Variants in PCED1B observed in about 807,000 individuals in gnomAD.
The protein encoded by PCED1B is PC-esterase domain-containing protein 1B.
For synonymous variants in PCED1B, 251 were observed against 246.1 expected (o/e 1.02, Z -0.19); for missense variants, 573 against 573.9 (o/e 1.00, Z 0.02).
intron 3 of PCED1B, among the ~76,000 whole-genome samples, chr12:47,232,283 A>T (rs1306565362): frequency 6.6e-6 from 1 of 152,164 alleles, no homozygotes. Flanking sequence ...AAGCCACTGC[A>T]CCCAGCCAAA....
chr12:47,094,606 A>G (rs1456850017), intron 1 of PCED1B, among the ~76,000 whole-genome samples: 1 of 151,952 alleles, frequency 6.6e-6, no homozygotes, highest in East Asian at 1.9e-4. Flanking sequence ...TATCCTAGAG[A>G]TTGCAATATA....
At chr12:47,189,522 T>C (rs1274099405) in intron 2 of PCED1B, among the ~76,000 whole-genome samples, 1 of 152,186 alleles carries the variant, frequency 6.6e-6, no homozygotes, top group Non-Finnish European at 1.5e-5. Context: ...ACCTTGGACA[T>C]ACATTTATTT....
At chr12:47,176,877 T>C (rs1592241852) in intron 2 of PCED1B, among the ~76,000 whole-genome samples, 1 of 149,994 alleles carries the variant, frequency 6.7e-6, no homozygotes, top group South Asian at 2.1e-4. Flanking sequence ...AACCCACTAA[T>C]GTATTGTTCA....
At chr12:47,188,210 T>C (rs1033479783) in intron 2 of PCED1B, among the ~76,000 whole-genome samples, 2 of 152,184 alleles carry the variant, frequency 1.3e-5, no homozygotes, top group African/African-American at 4.8e-5. Context: ...TCCCAGCATC[T>C]AACACCATTG....
intron 3 of PCED1B, among the ~76,000 whole-genome samples, chr12:47,220,082 A>AGAAGAAG (rs1555155802): frequency 1.6e-4 from 17 of 104,530 alleles, no homozygotes; most frequent in Admixed American, 6.7e-4. Context: ...AAAAAAAAAA[A>AGAAGAAG]AAAAAAAAGA....
intron 2 of PCED1B, among the ~76,000 whole-genome samples, chr12:47,156,359 C>A (rs140037510): frequency 6.6e-6 from 1 of 152,028 alleles, no homozygotes; most frequent in Admixed American, 6.6e-5. Context: ...CCTGCTCAAC[C>A]CTTTTTCTTA....
chr12:47,224,366 C>T (rs764322449), intron 3 of PCED1B, among the ~76,000 whole-genome samples: 8 of 152,102 alleles, frequency 5.3e-5, no homozygotes, highest in East Asian at 1.9e-4. Flanking sequence ...AATTCATAGG[C>T]GTTGTTTATA....
chr12:47,195,045 AAGT>A (rs1942558505), intron 2 of PCED1B, among the ~76,000 whole-genome samples: 1 of 152,242 alleles, frequency 6.6e-6, no homozygotes, highest in African/African-American at 2.4e-5. Context: ...ATATTTCTAA[AAGT>A]AGGCCGGGCG....
chr12:47,133,954 T>G (rs1011237902), intron 2 of PCED1B, among the ~76,000 whole-genome samples: 1 of 152,172 alleles, frequency 6.6e-6, no homozygotes, highest in African/African-American at 2.4e-5. Flanking sequence ...AGATGGCAGG[T>G]TGCAACCTAG....
intron 2 of PCED1B, among the ~76,000 whole-genome samples, chr12:47,146,056 C>T (rs1452943489): frequency 6.6e-6 from 1 of 152,110 alleles, no homozygotes; most frequent in East Asian, 1.9e-4. Context: ...AGGAGGAAGT[C>T]AAAATATCAA....
chr12:47,199,656 A>C (rs1286575818), intron 2 of PCED1B, among the ~76,000 whole-genome samples: 1 of 152,238 alleles, frequency 6.6e-6, no homozygotes, highest in African/African-American at 2.4e-5. Flanking sequence ...GAACAACAGG[A>C]CATCCACATG....
intron 1 of PCED1B, among the ~76,000 whole-genome samples, chr12:47,081,933 C>A (rs1445576281): frequency 2.0e-5 from 3 of 152,136 alleles, no homozygotes; most frequent in Non-Finnish European, 2.9e-5. Context: ...GATTACACAG[C>A]AAAAGTAAAC....
intron 2 of PCED1B, chr12:47,208,735 G>A (rs1193769844): frequency 6.6e-6 from 1 of 151,942 alleles, no homozygotes; most frequent in Non-Finnish European, 1.5e-5. Flanking sequence ...CAAACTCCTG[G>A]GCTCAAGCGA....
At chr12:47,161,276 G>T (rs769656180) in intron 2 of PCED1B, among the ~76,000 whole-genome samples, 1 of 152,104 alleles carries the variant, frequency 6.6e-6, no homozygotes, top group African/African-American at 2.4e-5. Context: ...AGAAAACTGG[G>T]TATTCTTTTG....
At chr12:47,158,035 TTATTTGTTGATGAATA>T (rs1941251226) in intron 2 of PCED1B, among the ~76,000 whole-genome samples, 1 of 149,092 alleles carries the variant, frequency 6.7e-6, no homozygotes, top group African/African-American at 2.6e-5. Context: ...ACTTATCTAT[TTATTTGTTGATGAATA>T]TATTTGTTGA....
At chr12:47,091,893 G>A (rs1394467045) in intron 1 of PCED1B, among the ~76,000 whole-genome samples, 1 of 151,996 alleles carries the variant, frequency 6.6e-6, no homozygotes, top group Admixed American at 6.5e-5. Context: ...GTGTTTCATT[G>A]GACAGTTATC....
chr12:47,218,658 T>TA (rs35017335), intron 3 of PCED1B, among the ~76,000 whole-genome samples: 96,537 of 147,150 alleles, frequency 0.66, 33,414 homozygotes, highest in African/African-American at 0.87. Flanking sequence ...TGATCATTTT[T>TA]AATTTTTTTT....
At chr12:47,217,856 C>T (rs1943349730) in intron 3 of PCED1B, among the ~76,000 whole-genome samples, 1 of 152,128 alleles carries the variant, frequency 6.6e-6, no homozygotes, top group African/African-American at 2.4e-5. Context: ...GGATTACAGG[C>T]ATGAGCTACC....
At chr12:47,178,815 C>G (rs957261024) in intron 2 of PCED1B, among the ~76,000 whole-genome samples, 1 of 145,128 alleles carries the variant, frequency 6.9e-6, no homozygotes, top group African/African-American at 2.6e-5. Context: ...TGCAGTGAGC[C>G]GTGATCACGC....
Sources: allele counts gnomAD v4.1 joint callset (sites outside exome capture counted in the v4.1 genomes callset), GRCh38; gene constraint gnomAD v4.1.1; transcripts MANE v1.5; gene names NCBI Gene and HGNC (gene_info 2026-07-23, HGNC 2026-07-21).